STPG2: variants seen among roughly 807,000 people sequenced by gnomAD.
STPG2 encodes sperm-tail PG-rich repeat-containing protein 2.
Under a neutral mutation model 54.2 loss-of-function variants are expected in STPG2, and 56 were observed. The observed-to-expected ratio is 1.03, with a 90% CI of 0.83 to 1.29. The LOEUF (loss-of-function observed/expected upper bound fraction) is 1.29. Ranked by LOEUF, STPG2 falls within the 50% of genes most tolerant of loss-of-function variation. The pLI is 0.00. For synonymous variants in STPG2, 200 were observed against 181.8 expected, an observed-to-expected ratio of 1.10 and a Z score of -0.81; for missense variants, 596 against 544.9, an observed-to-expected ratio of 1.09 and a Z score of -0.93.
At chr4:97,635,428 T>A (rs1233776883) in intron 10 of STPG2, among the ~76,000 whole-genome samples, 1 of 152,150 alleles carries the variant, frequency 6.6e-6, no homozygotes, top group Admixed American at 6.5e-5. Flanking sequence ...AGAAACTGCA[T>A]CAACTAACGA....
At chr4:97,732,510 A>G (rs570645995) in intron 9 of STPG2, among the ~76,000 whole-genome samples, 57 of 152,304 alleles carry the variant, frequency 3.7e-4, no homozygotes, top group Middle Eastern at 3.4e-3. Flanking sequence ...TATTTGGCTT[A>G]CATAAAGAAT....
intron 3 of STPG2, among the ~76,000 whole-genome samples, chr4:98,110,603 A>C (rs1462774263): frequency 6.6e-6 from 1 of 152,120 alleles, no homozygotes; most frequent in Non-Finnish European, 1.5e-5. Flanking sequence ...CAAAGTTAAA[A>C]GGTCAATCCA....
chr4:97,704,569 G>C (rs994427530), intron 10 of STPG2, among the ~76,000 whole-genome samples: 1 of 152,178 alleles, frequency 6.6e-6, no homozygotes, highest in Non-Finnish European at 1.5e-5. Context: ...TGTAGTCCAT[G>C]GAGAGTCAAA....
At chr4:98,101,438 A>G (rs1460155603) in intron 5 of STPG2, among the ~76,000 whole-genome samples, 1 of 152,134 alleles carries the variant, frequency 6.6e-6, no homozygotes, top group East Asian at 1.9e-4. Flanking sequence ...CTACTTGCCC[A>G]TCCCAAGGCT....
At chr4:98,101,069 C>A (rs746341131) in intron 5 of STPG2, among the ~76,000 whole-genome samples, 12 of 152,084 alleles carry the variant, frequency 7.9e-5, no homozygotes, top group Non-Finnish European at 1.6e-4. Context: ...CCTTTTACCA[C>A]CCCTGGGATC....
At chr4:97,515,349 G>A (rs1240251064) in intron 4 of STPG2, among the ~76,000 whole-genome samples, 1 of 151,966 alleles carries the variant, frequency 6.6e-6, no homozygotes, top group Non-Finnish European at 1.5e-5. Context: ...TTTTTAACAA[G>A]ATATAAAATT....
At chr4:97,958,900 C>A (rs1308114556) in intron 7 of STPG2, among the ~76,000 whole-genome samples, 1 of 152,174 alleles carries the variant, frequency 6.6e-6, no homozygotes, top group Admixed American at 6.5e-5. Flanking sequence ...GAACATTTTA[C>A]CCAACAATTG....
At position 97,976,636 on chromosome 4, in the gene STPG2, C is replaced by T. The variant is rs115313039; in HGVS notation, c.773-4196G>A. 4.2e-3 allele frequency among the ~76,000 whole-genome samples: 643 copies of T among 152,230 alleles called. 2 individuals carry two copies. Among genetic ancestry groups the T allele is most frequent in the African/African-American group, 0.015 (607 of 41,556 alleles). The stretch of plus-strand genomic sequence containing the variant: ...ATTTTGGAGCTCCACAGTAGGTGGT[C>T]AAATCTGCTCTATGACTGCTTTACA... On this transcript the variant is annotated intron_variant, in intron 6 of 10. Coordinates refer to ENST00000295268, the MANE Select transcript of STPG2 (RefSeq NM_174952.3).
intron 10 of STPG2, among the ~76,000 whole-genome samples, chr4:97,608,434 G>A (rs922523655): frequency 1.1e-4 from 17 of 152,012 alleles, no homozygotes; most frequent in Non-Finnish European, 2.2e-4. Context: ...GGGAGGAATC[G>A]CTGCATCCTT....
intron 10 of STPG2, among the ~76,000 whole-genome samples, chr4:97,639,665 C>T (rs1043751436): frequency 6.6e-6 from 1 of 151,860 alleles, no homozygotes; most frequent in African/African-American, 2.4e-5. Flanking sequence ...TAATATTGAA[C>T]ATTGCAAATT....
intron 4 of STPG2, among the ~76,000 whole-genome samples, chr4:97,527,428 C>A (rs1392112075): frequency 6.6e-6 from 1 of 152,132 alleles, no homozygotes. Flanking sequence ...CATTCCAAGT[C>A]TTCACTATTG....
chr4:97,911,222 G>A (rs1271786277), intron 8 of STPG2, among the ~76,000 whole-genome samples: 1 of 152,230 alleles, frequency 6.6e-6, no homozygotes, highest in Admixed American at 6.5e-5. Context: ...ACTGTCAGCG[G>A]CTGATCTGGC....
intron 7 of STPG2, among the ~76,000 whole-genome samples, chr4:97,963,334 G>C (rs554299216): frequency 3.3e-5 from 5 of 152,120 alleles, no homozygotes; most frequent in African/African-American, 9.6e-5. Context: ...ACTTAAAATA[G>C]TTAATAAATT....
intron 4 of STPG2, among the ~76,000 whole-genome samples, chr4:97,536,670 G>A (rs1265732660): frequency 3.9e-5 from 6 of 152,204 alleles, no homozygotes; most frequent in Non-Finnish European, 8.8e-5. Flanking sequence ...TAGAAAGGTT[G>A]CATTTTATTC....
At chr4:97,782,851 T>C (rs1359939241) in intron 9 of STPG2, among the ~76,000 whole-genome samples, 1 of 152,194 alleles carries the variant, frequency 6.6e-6, no homozygotes, top group African/African-American at 2.4e-5. Context: ...ATTTAATAAA[T>C]GGTGCTGGGA....
intron 8 of STPG2, among the ~76,000 whole-genome samples, chr4:97,903,495 TAGAC>T (rs1300616982): frequency 2.0e-5 from 3 of 149,290 alleles, no homozygotes; most frequent in African/African-American, 7.4e-5. Context: ...AGAAAAATAA[TAGAC>T]AGTGAGTACA....
At chr4:97,461,912 T>C (rs1729673934) in intron 4 of STPG2, among the ~76,000 whole-genome samples, 1 of 152,168 alleles carries the variant, frequency 6.6e-6, no homozygotes. Flanking sequence ...CCATTCATTT[T>C]AATGGTATCT....
chr4:97,762,362 G>A (rs115749629), intron 9 of STPG2, among the ~76,000 whole-genome samples: 2,071 of 152,096 alleles, frequency 0.014, 18 homozygotes, highest in Non-Finnish European at 0.021. Context: ...CAATCTTTAC[G>A]GGAACATTAG....
At chr4:98,014,804 A>G (rs1349078156) in intron 5 of STPG2, among the ~76,000 whole-genome samples, 1 of 152,100 alleles carries the variant, frequency 6.6e-6, no homozygotes, top group Non-Finnish European at 1.5e-5. Flanking sequence ...AGTGGTGATG[A>G]ACTCCCATAA....
Sources: allele counts gnomAD v4.1 joint callset (sites outside exome capture counted in the v4.1 genomes callset), GRCh38; gene constraint gnomAD v4.1.1; transcripts MANE v1.5; gene names NCBI Gene and HGNC (gene_info 2026-07-23, HGNC 2026-07-21).